OLFM3: variants seen among roughly 807,000 people sequenced by gnomAD.
OLFM3 encodes olfactomedin 3.
Under a neutral mutation model 48.6 loss-of-function variants are expected in OLFM3, and 20 were observed. That is an observed-to-expected ratio of 0.41 (90% confidence interval 0.29 to 0.60). The LOEUF (loss-of-function observed/expected upper bound fraction) is 0.60, where lower values mean the gene tolerates loss of function less well. Among genes scored for constraint, OLFM3 ranks in the 20% least tolerant of loss-of-function variants. The probability of loss-of-function intolerance (pLI) is 0.28; values close to 1 mark genes in which losing one functional copy is unlikely to be tolerated. For synonymous variants in OLFM3, 222 were observed against 198.1 expected, an observed-to-expected ratio of 1.12 and a Z score of -1.01; for missense variants, 437 against 544.3, an observed-to-expected ratio of 0.80 and a Z score of 1.96.
At chr1:101,986,635 A>G (rs1017369041) in intron 1 of OLFM3, among the ~76,000 whole-genome samples, 1 of 152,220 alleles carries the variant, frequency 6.6e-6, no homozygotes, top group African/African-American at 2.4e-5. Flanking sequence ...TTATGTACAA[A>G]TAGACAAAAT....
At chr1:101,860,046 T>C (rs1656589536) in intron 1 of OLFM3, 1 of 151,992 alleles carries the variant, frequency 6.6e-6, no homozygotes, top group Admixed American at 6.6e-5. Flanking sequence ...GACTGTGGAA[T>C]TAAGTGAAGT....
At chr1:101,990,118 AT>A in intron 1 of OLFM3, among the ~76,000 whole-genome samples, 1 of 152,276 alleles carries the variant, frequency 6.6e-6, no homozygotes, top group East Asian at 1.9e-4. Flanking sequence ...GGGCTTTGAT[AT>A]TATGAAGCCA....
chr1:101,811,450 G>A (rs775152535), intron 4 of OLFM3, among the ~76,000 whole-genome samples: 33 of 152,036 alleles, frequency 2.2e-4, no homozygotes, highest in Non-Finnish European at 4.7e-4. Context: ...TCTGAAAAAA[G>A]CTAATATCCA....
At chr1:101,910,152 T>A in intron 1 of OLFM3, 1 of 985,090 alleles carries the variant, frequency 1.0e-6, no homozygotes, top group African/African-American at 1.7e-5. Context: ...AAGATGTTTA[T>A]CGAGTATCTA....
Position 101,867,886 on chromosome 1 carries a change from T to C in OLFM3, c.70-30861A>G, listed in dbSNP as rs374307888. On this transcript the variant is annotated intron_variant, in intron 1 of 5. Transcript: ENST00000370103. ...GACCTGGTGTGAGGAAATTGAATCA[T>C]GGGGCAGTTCCTCTATGCCATTCTC... 9.2e-5 allele frequency among the ~76,000 whole-genome samples: 14 copies of C among 152,244 alleles called. 1 individual carries two copies. Among genetic ancestry groups the C allele is most frequent in the Admixed American group, 7.2e-4 (11 of 15,286 alleles).
intron 1 of OLFM3, among the ~76,000 whole-genome samples, chr1:101,977,953 G>T (rs1336135939): frequency 6.6e-6 from 1 of 152,094 alleles, no homozygotes; most frequent in Non-Finnish European, 1.5e-5. Flanking sequence ...CTGGAATCAT[G>T]TAAAGTTGAG....
At chr1:101,873,656 T>G (rs1657180202) in intron 1 of OLFM3, among the ~76,000 whole-genome samples, 1 of 151,764 alleles carries the variant, frequency 6.6e-6, no homozygotes, top group African/African-American at 2.4e-5. Flanking sequence ...TATTTGTTCT[T>G]CCCTAGTATA....
intron 4 of OLFM3, among the ~76,000 whole-genome samples, chr1:101,807,018 A>G (rs1439296398): frequency 6.6e-6 from 1 of 151,874 alleles, no homozygotes; most frequent in Non-Finnish European, 1.5e-5. Flanking sequence ...AAAAAAGATT[A>G]CTATAAAGTT....
chr1:101,824,925 T>G (rs1654785206), intron 4 of OLFM3, 101 bp downstream of exon 4: 2 of 1,018,656 alleles, frequency 2.0e-6, no homozygotes, highest in Non-Finnish European at 2.9e-6. Context: ...CTGATTTCTT[T>G]ACAATTAGAT....
chr1:101,961,824 G>A (rs1660475806), intron 1 of OLFM3, among the ~76,000 whole-genome samples: 2 of 152,066 alleles, frequency 1.3e-5, no homozygotes, highest in African/African-American at 2.4e-5. Flanking sequence ...GAGCTAGTAT[G>A]TTAAAAAAAT....
chr1:101,939,453 G>A (rs1467647207), intron 1 of OLFM3, among the ~76,000 whole-genome samples: 1 of 151,948 alleles, frequency 6.6e-6, no homozygotes, highest in Admixed American at 6.6e-5. Flanking sequence ...TGCCCTCAAG[G>A]ACTAACAATA....
intron 1 of OLFM3, among the ~76,000 whole-genome samples, chr1:101,952,037 CCTAT>C (rs3082434): frequency 0.52 from 78,941 of 151,382 alleles, 20,940 homozygotes; most frequent in Middle Eastern, 0.61. Flanking sequence ...TTAAAAGTTA[CCTAT>C]CTAACTATCT....
At chr1:101,943,456 C>G (rs563726753) in intron 1 of OLFM3, among the ~76,000 whole-genome samples, 2 of 152,290 alleles carry the variant, frequency 1.3e-5, no homozygotes, top group South Asian at 4.1e-4. Flanking sequence ...CATTTACTGG[C>G]ACAAACGTAT....
intron 1 of OLFM3, among the ~76,000 whole-genome samples, chr1:101,968,202 C>A (rs1406078591): frequency 6.6e-6 from 1 of 152,164 alleles, no homozygotes. Flanking sequence ...ATCTCCTAAT[C>A]CTATGAGTTC....
intron 1 of OLFM3, among the ~76,000 whole-genome samples, chr1:101,959,894 ATATTTTCTT>A (rs1210251355): frequency 6.6e-6 from 1 of 151,554 alleles, no homozygotes; most frequent in Non-Finnish European, 1.5e-5. Flanking sequence ...AATGGATTAA[ATATTTTCTT>A]TATACTGACC....
chr1:101,908,882 A>T (rs1341290678), intron 1 of OLFM3, among the ~76,000 whole-genome samples: 1 of 152,154 alleles, frequency 6.6e-6, no homozygotes, highest in African/African-American at 2.4e-5. Context: ...AGTTTCCCCT[A>T]CAGGGTTTAG....
intron 3 of OLFM3, among the ~76,000 whole-genome samples, chr1:101,829,976 A>G (rs1350886234): frequency 6.6e-6 from 1 of 151,700 alleles, no homozygotes; most frequent in East Asian, 1.9e-4. Context: ...CTGGGACTAC[A>G]GGCGCCCACC....
At chr1:101,926,752 T>C (rs1483274600) in intron 1 of OLFM3, among the ~76,000 whole-genome samples, 2 of 152,194 alleles carry the variant, frequency 1.3e-5, no homozygotes, top group African/African-American at 2.4e-5. Flanking sequence ...TCTATTACGA[T>C]GAATTATAAA....
chr1:101,852,550 T>C (rs1656264091), intron 1 of OLFM3, among the ~76,000 whole-genome samples: 1 of 152,138 alleles, frequency 6.6e-6, no homozygotes, highest in Non-Finnish European at 1.5e-5. Flanking sequence ...AATTCATTTT[T>C]TCCCAGCAGA....
Sources: allele counts gnomAD v4.1 joint callset (sites outside exome capture counted in the v4.1 genomes callset), GRCh38; gene constraint gnomAD v4.1.1; transcripts MANE v1.5; gene names NCBI Gene and HGNC (gene_info 2026-07-23, HGNC 2026-07-21).